The following GPR158 variants were observed in gnomAD, a reference collection of about 807,000 sequenced individuals.
GPR158 encodes G protein-coupled receptor 158.
Under a neutral mutation model 78.2 loss-of-function variants are expected in GPR158, and 30 were observed. The observed-to-expected ratio is 0.38, with a 90% CI of 0.29 to 0.52. GPR158 has a LOEUF of 0.52. Among genes scored for constraint, GPR158 ranks in the 20% least tolerant of loss-of-function variants. GPR158 has a pLI of 0.83. For missense variants in GPR158, 1,463 were observed against 1,523.5 expected, an observed-to-expected ratio of 0.96 and a Z score of 0.66; for synonymous variants, 581 against 591.1, an observed-to-expected ratio of 0.98 and a Z score of 0.25.
At chr10:25,410,928 A>G (rs1199661767) in intron 3 of GPR158, among the ~76,000 whole-genome samples, 1 of 152,196 alleles carries the variant, frequency 6.6e-6, no homozygotes, top group African/African-American at 2.4e-5. Flanking sequence ...TAAGAGTTGA[A>G]AGAAACTAAG....
Position 25,314,862 on chromosome 10 carries a change from C to CATATATATATAT in GPR158, c.1009-81036_1009-81025dup, listed in dbSNP as rs67847605. Among the ~76,000 whole-genome samples, 628 of 111,316 alleles carry CATATATATATAT rather than the reference C, an allele frequency of 5.6e-3. 12 individuals are homozygous for CATATATATATAT. Among genetic ancestry groups the CATATATATATAT allele is most frequent in the African/African-American group, 0.03 (597 of 19,668 alleles). The allele number at this position is 111,316 out of a possible 152,430, so 73.0% of individuals were successfully genotyped here. The stretch of plus-strand genomic sequence containing the variant: ...ACACGTATATACATACACACACTGT[C>CATATATATATAT]ATATATATATATATATATATATATG... On this transcript the variant is annotated intron_variant, in intron 2 of 10. Coordinates refer to ENST00000376351, the MANE Select transcript of GPR158 (RefSeq NM_020752.3).
intron 4 of GPR158, among the ~76,000 whole-genome samples, chr10:25,437,610 C>A (rs1835014347): frequency 6.6e-6 from 1 of 152,106 alleles, no homozygotes; most frequent in Non-Finnish European, 1.5e-5. Context: ...TTAGATCATG[C>A]CCTAACACCA....
intron 2 of GPR158, among the ~76,000 whole-genome samples, chr10:25,242,848 T>A (rs1223155203): frequency 6.6e-6 from 1 of 152,210 alleles, no homozygotes; most frequent in Non-Finnish European, 1.5e-5. Flanking sequence ...CAAATAGAAA[T>A]AAATGTTTTA....
intron 4 of GPR158, among the ~76,000 whole-genome samples, chr10:25,424,204 C>A (rs544907254): frequency 6.6e-6 from 1 of 152,084 alleles, no homozygotes; most frequent in Non-Finnish European, 1.5e-5. Flanking sequence ...CTGTTCATAT[C>A]CTTTGCCCAC....
chr10:25,242,848 T>C (rs1223155203), intron 2 of GPR158, among the ~76,000 whole-genome samples: 1 of 152,210 alleles, frequency 6.6e-6, no homozygotes, highest in Non-Finnish European at 1.5e-5. Flanking sequence ...CAAATAGAAA[T>C]AAATGTTTTA....
chr10:25,582,347 G>GC (rs529532452), intron 7 of GPR158, among the ~76,000 whole-genome samples: 138 of 152,282 alleles, frequency 9.1e-4, no homozygotes, highest in African/African-American at 3.1e-3. Context: ...GCTGAGTTTT[G>GC]CCAGAGTTCT....
intron 5 of GPR158, among the ~76,000 whole-genome samples, chr10:25,480,941 C>T (rs928027435): frequency 1.8e-4 from 27 of 152,158 alleles, no homozygotes; most frequent in Admixed American, 1.6e-3. Context: ...CTTCGTGGCT[C>T]TTGTCTGAGT....
intron 3 of GPR158, among the ~76,000 whole-genome samples, chr10:25,400,252 T>G (rs1834423057): frequency 6.6e-6 from 1 of 152,134 alleles, no homozygotes; most frequent in African/African-American, 2.4e-5. Context: ...AAAGATAAAA[T>G]TTACTTAATT....
intron 2 of GPR158, among the ~76,000 whole-genome samples, chr10:25,274,550 G>A (rs1338214440): frequency 6.6e-6 from 1 of 152,162 alleles, no homozygotes; most frequent in Non-Finnish European, 1.5e-5. Context: ...AGACTATCAT[G>A]AGGAAATGGG....
At position 25,415,197 on chromosome 10, in the gene GPR158, G is replaced by A. The variant is rs147605840; in HGVS notation, c.1335+2724G>A. Among the ~76,000 whole-genome samples the A allele has an allele frequency of 5.6e-3, 844 of 151,976 alleles. 12 individuals are homozygous for A. The highest frequency in any genetic ancestry group is 0.019 in the African/African-American group (798 of 41,478). On this transcript the variant is annotated intron_variant, in intron 4 of 10. Coordinates refer to ENST00000376351, the MANE Select transcript of GPR158 (RefSeq NM_020752.3). ...AATTGGACTTCATGAAAACTTTTTT[G>A]TATCAAAGACAGCATCAAGAAAGTA... is the stretch of plus-strand genomic sequence containing the variant.
intron 4 of GPR158, among the ~76,000 whole-genome samples, chr10:25,463,903 G>T (rs1359140282): frequency 1.3e-5 from 2 of 152,138 alleles, no homozygotes; most frequent in Admixed American, 6.6e-5. Flanking sequence ...GTACCAATAA[G>T]ACAGTGGAGG....
intron 6 of GPR158, among the ~76,000 whole-genome samples, chr10:25,567,712 A>AG (rs1417105918): frequency 6.6e-6 from 1 of 152,200 alleles, no homozygotes; most frequent in Non-Finnish European, 1.5e-5. Flanking sequence ...TGCAGAGGTG[A>AG]GGAGGAACCA....
At chr10:25,352,714 G>C (rs74123870) in intron 2 of GPR158, among the ~76,000 whole-genome samples, 11,703 of 151,948 alleles carry the variant, frequency 0.077, 1,097 homozygotes, top group African/African-American at 0.23. Flanking sequence ...AGAGGATAAA[G>C]GTGACTAATG....
chr10:25,586,763 A>T (rs1439622940), intron 7 of GPR158, among the ~76,000 whole-genome samples: 1 of 152,146 alleles, frequency 6.6e-6, no homozygotes, highest in Non-Finnish European at 1.5e-5. Flanking sequence ...ACCCAAATGC[A>T]GTGGCACAGA....
In GPR158 at chr10:25,556,488, G is replaced by A. The variant is rs562152741; in HGVS notation, c.1514+5403G>A. On this transcript the variant is annotated intron_variant, in intron 6 of 10. Transcript: ENST00000376351. The stretch of plus-strand genomic sequence containing the variant: ...ATCCTGGTAATGATATGGATTTCAG[G>A]CCCTCCTTTCTGCTGAACTCATGGA... Among the ~76,000 whole-genome samples the A allele has an allele frequency of 2.6e-5, 4 of 152,278 alleles. No homozygotes were observed. In the East Asian group the frequency reaches 7.7e-4, roughly 29 times the overall value.
At chr10:25,289,385 C>A (rs1381511574) in intron 2 of GPR158, among the ~76,000 whole-genome samples, 1 of 152,122 alleles carries the variant, frequency 6.6e-6, no homozygotes, top group East Asian at 1.9e-4. Context: ...AAGAGTTCAG[C>A]AAGCAGGTGA....
intron 7 of GPR158, among the ~76,000 whole-genome samples, chr10:25,584,441 A>G (rs1288561231): frequency 6.6e-6 from 1 of 152,224 alleles, no homozygotes; most frequent in Non-Finnish European, 1.5e-5. Context: ...AATGATTTTA[A>G]TGTTCAACCG....
intron 4 of GPR158, among the ~76,000 whole-genome samples, chr10:25,422,762 A>C (rs1196898033): frequency 6.6e-6 from 1 of 151,764 alleles, no homozygotes; most frequent in East Asian, 1.9e-4. Flanking sequence ...TACACGAATA[A>C]GTTCTTTAGT....
At chr10:25,209,617 A>C (rs1261572145) in intron 1 of GPR158, among the ~76,000 whole-genome samples, 2 of 151,702 alleles carry the variant, frequency 1.3e-5, no homozygotes, top group Non-Finnish European at 2.9e-5. Context: ...TACAGATAAA[A>C]AGAAATGTTA....
Sources: gnomAD v4.1 joint callset for allele counts (sites outside exome capture counted in the v4.1 genomes callset) on GRCh38, gnomAD v4.1.1 for gene constraint, MANE v1.5 for transcripts, NCBI Gene and HGNC (gene_info 2026-07-23, HGNC 2026-07-21) for gene names.